The following TMPRSS2 variants were observed in gnomAD, a reference collection of about 807,000 sequenced individuals.
The protein encoded by TMPRSS2 is transmembrane protease serine 2.
TMPRSS2 carries 59 observed loss-of-function variants against 67.4 expected under a neutral mutation model. That is an observed-to-expected ratio of 0.88 (90% CI 0.71 to 1.09). The LOEUF is 1.09. Ranked by LOEUF, TMPRSS2 falls within the 50% of genes least tolerant of loss-of-function variation. The probability of loss-of-function intolerance (pLI) is 0.00; values close to 1 mark genes in which losing one functional copy is unlikely to be tolerated. For synonymous variants in TMPRSS2, 257 were observed against 257.0 expected (o/e 1.00, Z 0.00); for missense variants, 668 against 642.7 (o/e 1.04, Z -0.43).
At chr21:41,470,786 C>CCTAAGG (rs112132031) in intron 10 of TMPRSS2, 43 bp from the exon 11 acceptor site, 1 of 1,587,280 alleles carries the variant, frequency 6.3e-7, no homozygotes, top group African/African-American at 1.3e-5. Flanking sequence ...GCGGGTATCA[C>CCTAAGG]CTATGTCTCC....
chr21:41,488,391 C>T lies in TMPRSS2; in HGVS notation c.445+3G>A, dbSNP rs765452400. 13 of 1,611,564 alleles carry T rather than the reference C, an allele frequency of 8.1e-6. No homozygotes were observed. The highest frequency in any genetic ancestry group is 1.1e-5 in the Non-Finnish European group (13 of 1,178,612). The stretch of plus-strand genomic sequence containing the variant: ...TCCCTTCCCAAGGTCAAGGCTGACT[C>T]ACCACACCGATTCTCGTCCTCCCCG... On this transcript the variant is annotated splice_donor_region_variant and intron_variant, in intron 5 of 13. Coordinates refer to ENST00000332149, the MANE Select transcript of TMPRSS2 (RefSeq NM_005656.4).
intron 9 of TMPRSS2, 136 bp from the exon 10 acceptor site, chr21:41,472,117 G>A: frequency 2.5e-6 from 2 of 792,770 alleles, no homozygotes; most frequent in Non-Finnish European, 3.8e-6. Context: ...GGGAGATAGT[G>A]GAAGAGGTGC....
chr21:41,502,617 C>G, intron 1 of TMPRSS2: 1 of 982,210 alleles, frequency 1.0e-6, no homozygotes. Context: ...ACGAGATGTT[C>G]TATCCTCCTA....
intron 1 of TMPRSS2, among the ~76,000 whole-genome samples, chr21:41,505,238 TA>T (rs2091449875): frequency 6.6e-6 from 1 of 151,862 alleles, no homozygotes; most frequent in South Asian, 2.1e-4. Flanking sequence ...CTTAGAAAAA[TA>T]AATAAATAAA....
intron 9 of TMPRSS2, 38 bp from the exon 10 acceptor site, chr21:41,472,019 AAC>A (rs759680891): frequency 1.9e-6 from 3 of 1,540,642 alleles, no homozygotes; most frequent in East Asian, 2.3e-5. Flanking sequence ...CAGAGCCATA[AAC>A]ACAGAGCTCT....
At chr21:41,488,549 C>G (rs1476369904) in intron 4 of TMPRSS2, 36 bp from the exon 5 acceptor site, 1 of 1,589,632 alleles carries the variant, frequency 6.3e-7, no homozygotes, top group Admixed American at 1.7e-5. Context: ...GCCCTTCAGG[C>G]TGAGAAACGC....
At chr21:41,502,190 T>C (rs765540921) in intron 1 of TMPRSS2, among the ~76,000 whole-genome samples, 1 of 152,220 alleles carries the variant, frequency 6.6e-6, no homozygotes, top group South Asian at 2.1e-4. Context: ...TCCCATGACA[T>C]GATGAAGTTA....
At chr21:41,468,024 C>A in intron 12 of TMPRSS2, 138 bp from the exon 13 acceptor site, 1 of 861,418 alleles carries the variant, frequency 1.2e-6, no homozygotes, top group Non-Finnish European at 1.8e-6. Flanking sequence ...GAATCTCCAC[C>A]ATCAAGGGGT....
At chr21:41,470,357 G>T (rs949688747) in intron 11 of TMPRSS2, among the ~76,000 whole-genome samples, 3 of 152,164 alleles carry the variant, frequency 2.0e-5, no homozygotes, top group Non-Finnish European at 2.9e-5. Context: ...CTCACAATGA[G>T]TGCAACACAG....
At position 41,473,486 on chromosome 21, in the gene TMPRSS2, G is replaced by A. The variant is rs1165518447; in HGVS notation, c.738C>T (p.Val246=). The part of the protein sequence containing the change: ...VVSLRCIACG[V]NLNSSRQSRI... ...TGCTCTGGCGGCTTGAGTTCAAGTT[G>A]ACCCCGCAGGCTGAGGATGACAAAC... Residue 246 remains valine (V), a synonymous_variant, in exon 9 of 14, where the codon GTC becomes GTT. Coordinates refer to ENST00000332149, the MANE Select transcript of TMPRSS2 (RefSeq NM_005656.4). 6.2e-7 allele frequency: 1 copy of A among 1,607,670 alleles called. No individual in the cohort carries two copies. The highest frequency in any genetic ancestry group is 2.2e-5 in the East Asian group (1 of 44,694).
At chr21:41,470,941 T>C (rs2091128236) in intron 10 of TMPRSS2, among the ~76,000 whole-genome samples, 198 bp from the exon 11 acceptor site, 1 of 152,240 alleles carries the variant, frequency 6.6e-6, no homozygotes, top group Non-Finnish European at 1.5e-5. Flanking sequence ...ATGCTACTTA[T>C]AAGTAGAATT....
chr21:41,477,618 A>AAGGC (rs1298505873), intron 7 of TMPRSS2, among the ~76,000 whole-genome samples: 1 of 151,966 alleles, frequency 6.6e-6, no homozygotes, highest in African/African-American at 2.4e-5. Context: ...CCTTCTTACT[A>AAGGC]AGGCACACCC....
chr21:41,501,253 G>T (rs182838808), intron 1 of TMPRSS2, among the ~76,000 whole-genome samples: 1 of 152,262 alleles, frequency 6.6e-6, no homozygotes, highest in East Asian at 1.9e-4. Flanking sequence ...AAAATATTCC[G>T]TGTGCCCAAG....
At chr21:41,479,919 G>T (rs372876361) in intron 6 of TMPRSS2, among the ~76,000 whole-genome samples, 2 of 152,082 alleles carry the variant, frequency 1.3e-5, no homozygotes, top group Admixed American at 6.5e-5. Context: ...ACTGTCAGGC[G>T]ACACACACCC....
At chr21:41,482,430 T>C (rs2091263828) in intron 5 of TMPRSS2, among the ~76,000 whole-genome samples, 1 of 152,178 alleles carries the variant, frequency 6.6e-6, no homozygotes. Context: ...AAGTGATAAA[T>C]GATGCGTTCA....
chr21:41,508,064 G>GT lies in TMPRSS2; in HGVS notation c.-57+16dup. The GT allele has an allele frequency of 1.6e-6, 2 of 1,284,158 alleles. No individual in the cohort carries two copies. Among genetic ancestry groups the GT allele is most frequent in the Non-Finnish European group, 2.0e-6 (2 of 1,014,114 alleles). 79.5% of individuals were successfully genotyped at this position (1,284,158 alleles called of 1,614,324 possible). A position where few individuals can be genotyped will look rare whatever the true frequency, so the allele number is the denominator to read the frequency against. On this transcript the variant is annotated intron_variant, in intron 1 of 13. Coordinates refer to ENST00000332149, the MANE Select transcript of TMPRSS2 (RefSeq NM_005656.4). Reference sequence around the variant, plus strand: ...GCCCGGACCCCGAGCCGGGACCCTGGTACCGGCGCCGCTCACCTGCCGCGC... The same window carrying GT: ...GCCCGGACCCCGAGCCGGGACCCTGGTTACCGGCGCCGCTCACCTGCCGCGC...
chr21:41,502,052 G>A (rs1303327498), intron 1 of TMPRSS2, among the ~76,000 whole-genome samples: 1 of 152,218 alleles, frequency 6.6e-6, no homozygotes, highest in Non-Finnish European at 1.5e-5. Flanking sequence ...TCACCCACTT[G>A]AATCTCACAA....
At chr21:41,508,022 C>T in intron 1 of TMPRSS2, 59 bp downstream of exon 1, 7 of 1,348,120 alleles carry the variant, frequency 5.2e-6, no homozygotes, top group Non-Finnish European at 5.7e-6. Flanking sequence ...TCCCAGGCGC[C>T]CAGGTTCCCC....
intron 7 of TMPRSS2, among the ~76,000 whole-genome samples, chr21:41,477,207 T>C (rs8131648): frequency 0.66 from 99,980 of 151,632 alleles, 34,313 homozygotes; most frequent in Middle Eastern, 0.78. Flanking sequence ...TGGCCCGCCC[T>C]GATAGCTGGG....
Sources: allele counts gnomAD v4.1 joint callset (sites outside exome capture counted in the v4.1 genomes callset), GRCh38; gene constraint gnomAD v4.1.1; transcripts MANE v1.5; gene names NCBI Gene and HGNC (gene_info 2026-07-23, HGNC 2026-07-21).